NRG1: variants seen among roughly 807,000 people sequenced by gnomAD.
The protein encoded by NRG1 is pro-neuregulin-1, membrane-bound isoform.
A neutral mutation model predicts 63.8 loss-of-function variants in NRG1; 18 were observed. The ratio of observed to expected loss-of-function variants is 0.28; its 90% CI spans 0.19 to 0.42. NRG1 has a LOEUF of 0.42. NRG1 is among the 10% of genes least tolerant of loss of function. The probability of loss-of-function intolerance (pLI) is 1.00; values close to 1 mark genes in which losing one functional copy is unlikely to be tolerated. For synonymous variants in NRG1, 302 were observed against 301.3 expected, an observed-to-expected ratio of 1.00 and a Z score of -0.02; for missense variants, 762 against 814.7, an observed-to-expected ratio of 0.94 and a Z score of 0.79.
At chr8:32,656,134 A>C (rs573888891) in intron 5 of NRG1, among the ~76,000 whole-genome samples, 1 of 152,286 alleles carries the variant, frequency 6.6e-6, no homozygotes, top group Non-Finnish European at 1.5e-5. Flanking sequence ...ATGTGTATCT[A>C]TGTGTGTATA....
At chr8:32,601,577 C>T (rs558804183) in intron 2 of NRG1, among the ~76,000 whole-genome samples, 19 of 151,990 alleles carry the variant, frequency 1.3e-4, no homozygotes, top group Non-Finnish European at 2.6e-4. Flanking sequence ...CATATGCATC[C>T]TGGAAATATA....
intron 1 of NRG1, among the ~76,000 whole-genome samples, chr8:32,401,588 C>T (rs1813210835): frequency 6.6e-6 from 1 of 152,102 alleles, no homozygotes; most frequent in Non-Finnish European, 1.5e-5. Flanking sequence ...TTTGAAGAAA[C>T]ATGGATGGAG....
intron 1 of NRG1, among the ~76,000 whole-genome samples, chr8:31,837,611 T>C (rs1220442533): frequency 6.6e-6 from 1 of 152,026 alleles, no homozygotes; most frequent in Non-Finnish European, 1.5e-5. Context: ...CTATATCTGC[T>C]GACCAACCTC....
chr8:32,529,040 G>A lies in NRG1; in HGVS notation c.38-66788G>A, dbSNP rs150254275. Among the ~76,000 whole-genome samples the A allele has an allele frequency of 2.9e-3, 441 of 152,230 alleles. 5 individuals are homozygous for A. The highest frequency in any genetic ancestry group is 8.1e-3 in the African/African-American group (336 of 41,532). On this transcript the variant is annotated intron_variant, in intron 1 of 10. Coordinates refer to the NRG1 transcript ENST00000519301. ...AGAAATGTGTCATTAGGCAATTCCC[G>A]TCATTGTGTGAACATCATAGGGTAT... is the stretch of plus-strand genomic sequence containing the variant.
At chr8:31,655,615 A>C (rs1228032901) in intron 1 of NRG1, among the ~76,000 whole-genome samples, 1 of 152,244 alleles carries the variant, frequency 6.6e-6, no homozygotes, top group Non-Finnish European at 1.5e-5. Flanking sequence ...TCTTAAAAAC[A>C]GGGGAACCCA....
At chr8:32,010,605 AT>A (rs1157362363) in intron 1 of NRG1, among the ~76,000 whole-genome samples, 1 of 151,990 alleles carries the variant, frequency 6.6e-6, no homozygotes, top group East Asian at 1.9e-4. Context: ...TCCTTTCTTT[AT>A]TGCTTAAAGT....
At chr8:31,979,570 G>A (rs112366346) in intron 1 of NRG1, among the ~76,000 whole-genome samples, 3 of 152,004 alleles carry the variant, frequency 2.0e-5, no homozygotes, top group Non-Finnish European at 2.9e-5. Flanking sequence ...TAATTATTTA[G>A]GCAGTGGTTT....
chr8:32,676,047 A>T (rs764557579), intron 5 of NRG1, among the ~76,000 whole-genome samples: 33 of 152,202 alleles, frequency 2.2e-4, no homozygotes, highest in Non-Finnish European at 3.2e-4. Flanking sequence ...AATAATAATA[A>T]TCATGGTAAA....
chr8:32,481,183 A>C (rs1825227072), intron 1 of NRG1, among the ~76,000 whole-genome samples: 1 of 152,010 alleles, frequency 6.6e-6, no homozygotes, highest in Non-Finnish European at 1.5e-5. Flanking sequence ...ATCTCTAAAA[A>C]AATACAAAAA....
intron 1 of NRG1, among the ~76,000 whole-genome samples, chr8:32,074,165 T>A (rs16878749): frequency 0.067 from 10,210 of 152,244 alleles, 1,156 homozygotes; most frequent in African/African-American, 0.23. Context: ...TTAATTTCTG[T>A]GATGGCTTCT....
chr8:31,839,203 C>T (rs1825961063), intron 1 of NRG1, among the ~76,000 whole-genome samples: 1 of 152,102 alleles, frequency 6.6e-6, no homozygotes, highest in African/African-American at 2.4e-5. Context: ...TATTCATTCT[C>T]CTCCCATTCT....
intron 5 of NRG1, among the ~76,000 whole-genome samples, chr8:32,716,394 T>C (rs1484685522): frequency 6.6e-6 from 1 of 152,142 alleles, no homozygotes; most frequent in Non-Finnish European, 1.5e-5. Flanking sequence ...TTAGGTGGCT[T>C]TGTAGTAATG....
At chr8:32,653,012 C>T (rs1333404625) in intron 5 of NRG1, among the ~76,000 whole-genome samples, 1 of 152,172 alleles carries the variant, frequency 6.6e-6, no homozygotes, top group African/African-American at 2.4e-5. Context: ...GTCCATTGAA[C>T]GTTCTACTAC....
intron 1 of NRG1, among the ~76,000 whole-genome samples, chr8:32,492,984 T>C (rs1332045695): frequency 6.6e-6 from 1 of 152,148 alleles, no homozygotes; most frequent in East Asian, 1.9e-4. Flanking sequence ...GAGACTGGAT[T>C]GTAATTAACA....
chr8:32,328,522 G>A (rs1379969575), intron 1 of NRG1, among the ~76,000 whole-genome samples: 1 of 151,006 alleles, frequency 6.6e-6, no homozygotes, highest in East Asian at 1.9e-4. Flanking sequence ...GTGGCATCAA[G>A]CCAGGCCATT....
At chr8:31,929,391 T>A (rs150099032) in intron 1 of NRG1, among the ~76,000 whole-genome samples, 28 of 152,220 alleles carry the variant, frequency 1.8e-4, no homozygotes, top group African/African-American at 6.5e-4. Flanking sequence ...TTATTTATAA[T>A]TTGGATTTTT....
chr8:32,760,414 C>G lies in NRG1; in HGVS notation c.1259+8C>G. The G allele has an allele frequency of 1.2e-6, 2 of 1,612,950 alleles. No homozygotes were observed. Among genetic ancestry groups the G allele is most frequent in the South Asian group, 1.1e-5 (1 of 91,002 alleles). On this transcript the variant is annotated splice_region_variant and intron_variant, in intron 11 of 11. Coordinates refer to ENST00000356819, the Ensembl canonical transcript of NRG1. ...CTCTCCTCATAGTGAAAGGTAAAACCGAAGGGCAAAGCTACTGCAGAGGAG... is the reference window on the plus strand; with the variant it reads ...CTCTCCTCATAGTGAAAGGTAAAACGGAAGGGCAAAGCTACTGCAGAGGAG...
At chr8:31,639,750 C>CTTT (rs527318845) in intron 1 of NRG1, 5 of 1,178,816 alleles carry the variant, frequency 4.2e-6, no homozygotes, top group African/African-American at 1.7e-5. Context: ...TCTATTTTGC[C>CTTT]TTTTTTTTTT....
intron 1 of NRG1, among the ~76,000 whole-genome samples, chr8:31,944,742 G>A (rs1802284983): frequency 6.6e-6 from 1 of 152,190 alleles, no homozygotes; most frequent in Non-Finnish European, 1.5e-5. Context: ...TTAATGAACT[G>A]ATGTAAGGAC....
Sources: gnomAD v4.1 joint callset for allele counts (sites outside exome capture counted in the v4.1 genomes callset) on GRCh38, gnomAD v4.1.1 for gene constraint, MANE v1.5 for transcripts, NCBI Gene and HGNC (gene_info 2026-07-23, HGNC 2026-07-21) for gene names.